PON3: variants seen among roughly 807,000 people sequenced by gnomAD.
PON3 encodes paraoxonase 3.
A neutral mutation model predicts 36.3 loss-of-function variants in PON3; 37 were observed. That is an observed-to-expected ratio of 1.02 (90% CI 0.78 to 1.34). PON3 has a LOEUF of 1.34. Among genes scored for constraint, PON3 ranks in the 40% most tolerant of loss-of-function variants. The pLI, the probability that PON3 is intolerant of heterozygous loss-of-function variation, is 0.00. For missense variants in PON3, 415 were observed against 426.5 expected (o/e 0.97, Z 0.24); for synonymous variants, 155 against 154.8 (o/e 1.00, Z -0.01).
intron 4 of PON3, among the ~76,000 whole-genome samples, chr7:95,370,582 C>T (rs1449849367): frequency 6.6e-6 from 1 of 152,198 alleles, no homozygotes; most frequent in Non-Finnish European, 1.5e-5. Context: ...TATAAGATTT[C>T]ATGGAATTCT....
chr7:95,376,043 T>A (rs1192640941), intron 3 of PON3, among the ~76,000 whole-genome samples: 2 of 152,222 alleles, frequency 1.3e-5, no homozygotes, highest in Non-Finnish European at 2.9e-5. Context: ...TGTTCCAAAG[T>A]CTTGAGTTCA....
intron 3 of PON3, among the ~76,000 whole-genome samples, chr7:95,376,173 A>G (rs563447568): frequency 1.8e-4 from 28 of 152,316 alleles, no homozygotes; most frequent in African/African-American, 6.0e-4. Context: ...CCCACAAGAG[A>G]GTGCCAGGGA....
intron 3 of PON3, among the ~76,000 whole-genome samples, chr7:95,381,395 GAC>G (rs1360530002): frequency 2.0e-5 from 3 of 152,102 alleles, no homozygotes; most frequent in African/African-American, 7.2e-5. Context: ...CCAATTAAAA[GAC>G]ACAGACTGGC....
At chr7:95,382,591 T>C (rs1179355085) in intron 3 of PON3, among the ~76,000 whole-genome samples, 2 of 152,174 alleles carry the variant, frequency 1.3e-5, no homozygotes, top group Non-Finnish European at 2.9e-5. Context: ...GCAAATAAAC[T>C]AGAAAATCTA....
At chr7:95,378,606 TC>T (rs1168776807) in intron 3 of PON3, among the ~76,000 whole-genome samples, 2 of 152,162 alleles carry the variant, frequency 1.3e-5, no homozygotes, top group African/African-American at 4.8e-5. Context: ...TATTCAACAT[TC>T]TTAAAGAAAA....
At chr7:95,379,871 G>A (rs752651265) in intron 3 of PON3, among the ~76,000 whole-genome samples, 5 of 152,144 alleles carry the variant, frequency 3.3e-5, no homozygotes, top group Non-Finnish European at 5.9e-5. Context: ...CTCCCAGCAC[G>A]CAGCTTGAGA....
At chr7:95,372,432 C>G in intron 3 of PON3, 94 bp from the exon 4 acceptor site, 16 of 1,391,070 alleles carry the variant, frequency 1.2e-5, no homozygotes, top group Non-Finnish European at 1.6e-5. Flanking sequence ...TAAAAATGTT[C>G]AAAGTTCTAA....
rs146643759 is a variant in PON3 at position 95,393,337 on chromosome 7, A to G, written c.145+1307T>C. On this transcript the variant is annotated intron_variant, in intron 2 of 8. Coordinates refer to ENST00000265627, the MANE Select transcript of PON3 (RefSeq NM_000940.3). The stretch of plus-strand genomic sequence containing the variant: ...GTGGCAGGTGTCATAAGTGAATCGG[A>G]GCTTCAGAGTGCTGTGAGAGTTCAG... Among the ~76,000 whole-genome samples, 829 of 152,226 alleles carry G rather than the reference A, an allele frequency of 5.4e-3. 4 individuals are homozygous for G. Among genetic ancestry groups the G allele is most frequent in the Non-Finnish European group, 8.5e-3 (576 of 68,008 alleles).
intron 4 of PON3, among the ~76,000 whole-genome samples, chr7:95,371,283 AG>A (rs1422104592): frequency 2.6e-5 from 4 of 151,928 alleles, no homozygotes; most frequent in Non-Finnish European, 5.9e-5. Flanking sequence ...TTGCATGGAT[AG>A]GTTTTCAATT....
chr7:95,372,424 A>G (rs191039701), intron 3 of PON3, 86 bp from the exon 4 acceptor site: 1 of 1,443,630 alleles, frequency 6.9e-7, no homozygotes, highest in African/African-American at 1.4e-5. Flanking sequence ...AAGCCAAATA[A>G]AAATGTTCAA....
chr7:95,360,165 G>C, intron 8 of PON3, 34 bp from the exon 9 acceptor site: 1 of 1,569,272 alleles, frequency 6.4e-7, no homozygotes, highest in Non-Finnish European at 8.8e-7. Flanking sequence ...AGTATATTAT[G>C]TGAGTAAACA....
chr7:95,383,547 T>C (rs2116410246), intron 3 of PON3, among the ~76,000 whole-genome samples: 1 of 152,246 alleles, frequency 6.6e-6, no homozygotes. Context: ...CAAGCATTCT[T>C]ATACACCAAT....
chr7:95,390,792 A>AT (rs914769487), intron 2 of PON3, among the ~76,000 whole-genome samples: 2 of 152,124 alleles, frequency 1.3e-5, no homozygotes, highest in Admixed American at 6.6e-5. Flanking sequence ...AGTTTTCAGC[A>AT]TTTTTTTCTA....
chr7:95,378,174 G>T (rs60467947), intron 3 of PON3, among the ~76,000 whole-genome samples: 4,286 of 152,124 alleles, frequency 0.028, 113 homozygotes, highest in African/African-American at 0.068. Flanking sequence ...GAAGACCAAA[G>T]TAATGAAATA....
intron 3 of PON3, among the ~76,000 whole-genome samples, chr7:95,389,230 G>C (rs1424993382): frequency 2.6e-5 from 4 of 152,166 alleles, no homozygotes; most frequent in Non-Finnish European, 2.9e-5. Context: ...AGTTCCAGCA[G>C]TGACACCAGC....
At position 95,362,427 on chromosome 7, in the gene PON3, C is replaced by A; in HGVS notation, c.841G>T (p.Ala281Ser). The change falls in exon 8 of 9, where the codon GCA (alanine) becomes TCA (serine). Residue 281 changes from alanine to serine, a missense_variant. Physicochemically the swap from Ala to Ser is moderately conservative, Grantham distance 99 (BLOSUM62 1). Coordinates refer to ENST00000265627, the MANE Select transcript of PON3 (RefSeq NM_000940.3). ...TTCATAGGATTAGGATGGCATCCTG[C>A]CAAAATGTCTCCTGTGGCAGGATCG... ...TVDPATGDIL[A>S]GCHPNPMKLL... The A allele has an allele frequency of 6.2e-7, 1 of 1,613,764 alleles. No individual in the cohort carries two copies. The highest frequency in any genetic ancestry group is 1.1e-5 in the South Asian group (1 of 91,076).
At chr7:95,360,264 GTTC>G (rs1808537823) in intron 8 of PON3, 133 bp from the exon 9 acceptor site, 1 of 904,812 alleles carries the variant, frequency 1.1e-6, no homozygotes, top group Non-Finnish European at 1.8e-6. Flanking sequence ...TCAATAAATT[GTTC>G]TTCTTCTGAT....
At chr7:95,396,203 G>T in intron 1 of PON3, 74 bp downstream of exon 1, 2 of 1,501,682 alleles carry the variant, frequency 1.3e-6, no homozygotes, top group Non-Finnish European at 1.9e-6. Flanking sequence ...GGAAGGGGGC[G>T]CCAGGCAGCC....
chr7:95,387,698 A>T lies in PON3; in HGVS notation c.201+2456T>A, dbSNP rs1387776095. On this transcript the variant is annotated intron_variant, in intron 3 of 8. Transcript: ENST00000265627. ...AGACAATTCTCAGGAAAAAGAACAA[A>T]GCTGGAGGCATCATTGCTACCTGAC... is the stretch of plus-strand genomic sequence containing the variant. Among the ~76,000 whole-genome samples the T allele has an allele frequency of 2.6e-5, 4 of 152,242 alleles. No homozygotes were observed. In the East Asian group the frequency reaches 7.7e-4, roughly 29 times the overall value.
Sources: allele counts gnomAD v4.1 joint callset (sites outside exome capture counted in the v4.1 genomes callset), GRCh38; gene constraint gnomAD v4.1.1; transcripts MANE v1.5; gene names NCBI Gene and HGNC (gene_info 2026-07-23, HGNC 2026-07-21).